Variants in ZEB1 observed in about 807,000 individuals in gnomAD.
ZEB1 encodes zinc finger E-box-binding homeobox 1.
ZEB1 carries 21 observed loss-of-function variants against 84.9 expected under a neutral mutation model. That is an observed-to-expected ratio of 0.25 (90% confidence interval 0.18 to 0.36). The LOEUF (loss-of-function observed/expected upper bound fraction) is 0.36. ZEB1 is among the 10% of genes least tolerant of loss of function. The pLI is 1.00. For missense variants in ZEB1, 1,104 were observed against 1,330.2 expected (o/e 0.83, Z 2.65); for synonymous variants, 420 against 471.1 (o/e 0.89, Z 1.41).
intron 1 of ZEB1, among the ~76,000 whole-genome samples, chr10:31,411,013 T>G (rs938021958): frequency 1.3e-5 from 2 of 152,222 alleles, no homozygotes; most frequent in Non-Finnish European, 2.9e-5. Context: ...GCTCTGATCT[T>G]AGTTATTTCT....
At chr10:31,344,774 G>C (rs1327346797) in intron 1 of ZEB1, among the ~76,000 whole-genome samples, 2 of 151,990 alleles carry the variant, frequency 1.3e-5, no homozygotes, top group African/African-American at 4.8e-5. Context: ...TTGCTATCCT[G>C]GACATTTTAA....
At chr10:31,466,348 C>T (rs781519072) in intron 2 of ZEB1, among the ~76,000 whole-genome samples, 2 of 152,088 alleles carry the variant, frequency 1.3e-5, no homozygotes, top group Non-Finnish European at 2.9e-5. Flanking sequence ...TTCTCCAGGA[C>T]AGATTATTTG....
chr10:31,499,273 C>T (rs1308941433), intron 3 of ZEB1, among the ~76,000 whole-genome samples: 1 of 152,108 alleles, frequency 6.6e-6, no homozygotes, highest in East Asian at 1.9e-4. Flanking sequence ...TTTTTTCTCA[C>T]AGTCACTTTG....
intron 1 of ZEB1, among the ~76,000 whole-genome samples, chr10:31,353,813 CAGG>C (rs1445085294): frequency 2.6e-5 from 4 of 152,108 alleles, no homozygotes; most frequent in Admixed American, 2.6e-4. Flanking sequence ...TTTTGGTCAC[CAGG>C]AGAAGGAGTC....
intron 2 of ZEB1, among the ~76,000 whole-genome samples, chr10:31,479,431 AT>A (rs1342427890): frequency 6.6e-6 from 1 of 151,910 alleles, no homozygotes; most frequent in Non-Finnish European, 1.5e-5. Context: ...ATGATATCAA[AT>A]TCAAATAAGA....
chr10:31,442,149 G>A (rs921050671), intron 1 of ZEB1, among the ~76,000 whole-genome samples: 11 of 152,186 alleles, frequency 7.2e-5, no homozygotes, highest in African/African-American at 2.7e-4. Context: ...CAAAGACTTG[G>A]AACCAACCCA....
intron 1 of ZEB1, among the ~76,000 whole-genome samples, chr10:31,430,296 C>A (rs1189803505): frequency 6.6e-6 from 1 of 152,048 alleles, no homozygotes; most frequent in Non-Finnish European, 1.5e-5. Context: ...CTTATAGGGT[C>A]ATCTGTTAAT....
At position 31,521,028 on chromosome 10, in the gene ZEB1, G is replaced by A; in HGVS notation, c.1696G>A (p.Glu566Lys). 2 of 1,614,034 alleles carry A rather than the reference G, an allele frequency of 1.2e-6. No individual in the cohort carries two copies. The highest frequency in any genetic ancestry group is 1.3e-5 in the African/African-American group (1 of 75,032). Residue 566 changes from glutamate (E) to lysine (K), a missense_variant, in exon 7 of 9, where the codon GAA (glutamate) becomes AAA (lysine). Around this residue, in one of 7 missense-constraint regions of ZEB1, gnomAD observed 531 missense variants for 575.2 expected, o/e 0.92. Coordinates refer to ENST00000424869, the MANE Select transcript of ZEB1 (RefSeq NM_001174096.2). ...TCAGCCTCCTCCACTCCCTGCAGCA[G>A]AAGCTGAGAAGCCTGAGTCCTCTGT... ...PTQPPPLPAAEAEKPESSVSS... is the reference protein window; with the variant it reads ...PTQPPPLPAAKAEKPESSVSS...
At chr10:31,342,216 G>T (rs1255910122) in intron 1 of ZEB1, among the ~76,000 whole-genome samples, 1 of 152,102 alleles carries the variant, frequency 6.6e-6, no homozygotes, top group Non-Finnish European at 1.5e-5. Flanking sequence ...GAGAATATGA[G>T]ATACATACTA....
rs192192120 is a variant in ZEB1, at chr10:31,523,903, T to C, written c.2605-30T>C. 211 of 1,608,764 alleles carry C rather than the reference T, an allele frequency of 1.3e-4. No individual in the cohort carries two copies. The African/African-American group carries it at 2.4e-3, about 19-fold the overall frequency. ...CTCTTGTTTATCTTTTAATGTTAAA[T>C]TACATTTTCTCACACCTTTCTCCCT... On this transcript the variant is annotated intron_variant, in intron 7 of 8. Transcript: ENST00000424869.
intron 5 of ZEB1, among the ~76,000 whole-genome samples, chr10:31,511,089 T>C (rs970288608): frequency 1.3e-5 from 2 of 152,236 alleles, no homozygotes; most frequent in Non-Finnish European, 2.9e-5. Context: ...TAGAGGTAAC[T>C]CAGTATTTTG....
At chr10:31,501,943 T>TATA (rs1307085303) in intron 3 of ZEB1, among the ~76,000 whole-genome samples, 2 of 152,192 alleles carry the variant, frequency 1.3e-5, no homozygotes, top group African/African-American at 4.8e-5. Context: ...GGCTGTCTAT[T>TATA]GTCCAACTTT....
At chr10:31,406,088 A>G (rs1402425057) in intron 1 of ZEB1, among the ~76,000 whole-genome samples, 1 of 152,138 alleles carries the variant, frequency 6.6e-6, no homozygotes, top group East Asian at 1.9e-4. Context: ...TATCCAGTCT[A>G]TCATTGATGG....
rs112075157 is a variant in ZEB1 at position 31,457,245 on chromosome 10, T to C, written c.59-3792T>C. Reference sequence around the variant, plus strand: ...AACATTTAGATAACTGAAGCCCTCATTGGCTACTAGAATTTATCAAGGGCC... The same window carrying C: ...AACATTTAGATAACTGAAGCCCTCACTGGCTACTAGAATTTATCAAGGGCC... On this transcript the variant is annotated intron_variant, in intron 1 of 8. Coordinates refer to ENST00000424869, the MANE Select transcript of ZEB1 (RefSeq NM_001174096.2). 1.1e-3 allele frequency among the ~76,000 whole-genome samples: 164 copies of C among 152,288 alleles called. 3 individuals carry two copies. The highest frequency in any genetic ancestry group is 3.3e-3 in the African/African-American group (139 of 41,582).
At chr10:31,344,411 G>A in intron 1 of ZEB1, among the ~76,000 whole-genome samples, 1 of 151,976 alleles carries the variant, frequency 6.6e-6, no homozygotes, top group South Asian at 2.1e-4. Flanking sequence ...ACTTAAATAA[G>A]TATTTAAGAT....
chr10:31,365,751 A>C (rs2044341706), intron 1 of ZEB1, among the ~76,000 whole-genome samples: 1 of 152,232 alleles, frequency 6.6e-6, no homozygotes, highest in Admixed American at 6.5e-5. Flanking sequence ...AATTTTTTGA[A>C]AAAGTAGGGG....
Position 31,527,322 on chromosome 10 carries a change from C to A in ZEB1, c.*58C>A. 1 of 1,540,234 alleles carries A rather than the reference C, an allele frequency of 6.5e-7. No homozygotes were observed. The highest frequency in any genetic ancestry group is 8.7e-7 in the Non-Finnish European group (1 of 1,145,734). The stretch of plus-strand genomic sequence containing the variant: ...GATAATGAATTTCGTTCAATATTAT[C>A]CTTGCTTTTCATGGAAACACAGTAA... On this transcript the variant is annotated 3_prime_UTR_variant, in exon 9 of 9. Coordinates refer to ENST00000424869, the MANE Select transcript of ZEB1 (RefSeq NM_001174096.2).
rs1031714087 is a variant in ZEB1 at position 31,452,758 on chromosome 10, A to T, written c.59-8279A>T. 4.7e-5 allele frequency among the ~76,000 whole-genome samples: 7 copies of T among 149,860 alleles called. No homozygotes were observed. In the East Asian group the frequency reaches 5.9e-4, roughly 13 times the overall value. On this transcript the variant is annotated intron_variant, in intron 1 of 8. Transcript: ENST00000424869. ...GTGTGTGTGTGAGAGAGAGAGAGAG[A>T]GAGAGAGAGAGAGAGAGATGTTATT...
chr10:31,370,955 C>G (rs745834904), intron 1 of ZEB1, among the ~76,000 whole-genome samples: 6 of 152,132 alleles, frequency 3.9e-5, no homozygotes, highest in Non-Finnish European at 7.4e-5. Context: ...TGGTTTCAAG[C>G]AGTCTTCCCC....
Sources: allele counts gnomAD v4.1 joint callset (sites outside exome capture counted in the v4.1 genomes callset), GRCh38; gene constraint gnomAD v4.1.1; regional missense constraint gnomAD v4.1.1; transcripts MANE v1.5; gene names NCBI Gene and HGNC (gene_info 2026-07-23, HGNC 2026-07-21).